The following SPOCD1 variants were observed in gnomAD, a reference collection of about 807,000 sequenced individuals.
SPOCD1 encodes the protein SPOC domain-containing protein 1.
SPOCD1 carries 64 observed loss-of-function variants against 92.2 expected under a neutral mutation model. That is an observed-to-expected ratio of 0.69 (90% confidence interval 0.57 to 0.86). SPOCD1 has a LOEUF of 0.86. SPOCD1 is among the 40% of genes least tolerant of loss of function. The pLI, the probability that SPOCD1 is intolerant of heterozygous loss-of-function variation, is 0.00. For missense variants in SPOCD1, 1,360 were observed against 1,543.1 expected (o/e 0.88, Z 1.99); for synonymous variants, 578 against 619.3 (o/e 0.93, Z 0.99).
Position 31,790,438 on chromosome 1 carries a change from T to A in SPOCD1, c.*165A>T. On this transcript the variant is annotated 3_prime_UTR_variant, in exon 16 of 16. Transcript: ENST00000360482. ...CAGATGCAATCCCAATTTTACCAAA[T>A]TCTTTATTGAACAAAAAATCAACAG... 1 of 697,856 alleles carries A rather than the reference T, an allele frequency of 1.4e-6. No individual in the cohort carries two copies. The highest frequency in any genetic ancestry group is 2.4e-6 in the Non-Finnish European group (1 of 418,716). The allele number at this position is 697,856 out of a possible 1,614,324, so 43.2% of individuals were successfully genotyped here.
At chr1:31,802,926 G>A (rs1305307769) in intron 2 of SPOCD1, among the ~76,000 whole-genome samples, 2 of 151,704 alleles carry the variant, frequency 1.3e-5, no homozygotes, top group Non-Finnish European at 2.9e-5. Context: ...CGGGAAAGAT[G>A]AGTTTCACTT....
intron 2 of SPOCD1, among the ~76,000 whole-genome samples, chr1:31,804,707 A>G (rs1648696388): frequency 6.6e-6 from 1 of 152,034 alleles, no homozygotes; most frequent in African/African-American, 2.4e-5. Context: ...TGAAAGGAAG[A>G]ATTTTGAGCA....
chr1:31,814,280 C>T lies in SPOCD1; in HGVS notation c.1054G>A (p.Asp352Asn), dbSNP rs750547656. 1.5e-5 allele frequency: 24 copies of T among 1,578,128 alleles called. No individual in the cohort carries two copies. The East Asian group carries it at 5.0e-4, about 33-fold the overall frequency. The change falls in exon 2 of 16, where the codon GAT (aspartate) becomes AAT (asparagine). Residue 352 changes from aspartate (D) to asparagine (N), a missense_variant. Physicochemically the swap from Asp to Asn is conservative, Grantham distance 23. Coordinates refer to ENST00000360482, the MANE Select transcript of SPOCD1 (RefSeq NM_144569.7). This position sits in a 1 kb window ranked among gnomAD's most constrained non-coding sequence, Gnocchi z 4.2. ...TCCTGTGCTGGAGCCTGGCCTTCAT[C>T]GCTGCCAGTCCGCACGACACACACA... Reference protein sequence around the residue: ...EAVCVVRTGSDEGQAPAQDQE... With the variant: ...EAVCVVRTGSNEGQAPAQDQE...
chr1:31,813,991 T>G lies in SPOCD1; in HGVS notation c.1343A>C (p.Asp448Ala), dbSNP rs763312243. 1 of 1,597,508 alleles carries G rather than the reference T, an allele frequency of 6.3e-7. No individual in the cohort carries two copies. Among genetic ancestry groups the G allele is most frequent in the Non-Finnish European group, 8.5e-7 (1 of 1,169,644 alleles). Residue 448 changes from aspartate (D) to alanine (A), a missense_variant, in exon 2 of 16, where the codon GAC becomes GCC. This residue lies in a region of SPOCD1 where 606 missense variants were observed against 601.5 expected (regional missense o/e 1.01). Transcript: ENST00000360482. Reference protein sequence around the residue: ...TDRSSDNSHQDRPEEPSPGGC... With the variant: ...TDRSSDNSHQARPEEPSPGGC... ...TCCTGGGCTGGGTTCCTCTGGCCTG[T>G]CCTGGTGGGAGTTGTCTGAGCTTCT...
chr1:31,801,551 A>G, intron 3 of SPOCD1, 113 bp downstream of exon 3: 1 of 887,746 alleles, frequency 1.1e-6, no homozygotes, highest in Non-Finnish European at 1.9e-6. Flanking sequence ...CCACTGGGGG[A>G]GGGCAGGCTG....
In SPOCD1 at chr1:31,792,694, C is replaced by A. The variant is rs1313090083; in HGVS notation, c.2759G>T (p.Cys920Phe). ...NIVWDLLASI[C>F]PAKAKDVCVV... ...GGCAGGTACCTTGGCCTTGGCTGGG[C>A]AGATGCTGGCCAGAAGGTCCCAGAC... The change falls in exon 14 of 16, where the codon TGC becomes TTC. Residue 920 changes from cysteine to phenylalanine, a missense_variant. Around this residue, in one of 3 missense-constraint regions of SPOCD1, gnomAD observed 614 missense variants for 757.8 expected, o/e 0.81. Transcript: ENST00000360482. 3 of 1,603,464 alleles carry A rather than the reference C, an allele frequency of 1.9e-6. No homozygotes were observed. The highest frequency in any genetic ancestry group is 2.6e-6 in the Non-Finnish European group (3 of 1,175,424).
At chr1:31,792,119 G>A in intron 15 of SPOCD1, 96 bp downstream of exon 15, 1 of 1,385,994 alleles carries the variant, frequency 7.2e-7, no homozygotes. Context: ...TCCCTTCTGA[G>A]ATGTGCCTGC....
chr1:31,807,418 GGGGAGGGAAGAGA>G (rs1648906084), intron 2 of SPOCD1, among the ~76,000 whole-genome samples: 1 of 31,260 alleles, frequency 3.2e-5, no homozygotes, highest in African/African-American at 1.2e-4. Flanking sequence ...GGGGAGGGAG[GGGGAGGGAAGAGA>G]AGGGGAGGGA....
chr1:31,811,656 C>T (rs925086041), intron 2 of SPOCD1, among the ~76,000 whole-genome samples: 6 of 152,244 alleles, frequency 3.9e-5, no homozygotes, highest in South Asian at 2.1e-4. Flanking sequence ...AGGCCCTAAA[C>T]GGGGCTCCAG....
Position 31,814,816 on chromosome 1 carries a change from C to T in SPOCD1, c.518G>A (p.Ser173Asn). The change falls in exon 2 of 16, where the codon AGT becomes AAT. Residue 173 changes from serine (S) to asparagine (N), a missense_variant. Around this residue, in one of 3 missense-constraint regions of SPOCD1, gnomAD observed 606 missense variants for 601.5 expected, o/e 1.01. Transcript: ENST00000360482. This position sits in a 1 kb window ranked among gnomAD's most constrained non-coding sequence, Gnocchi z 4.2. ...GCTTCTTCTGTCACACCCTGGAGAA[C>T]TCATTCCACCGTCTCTGGCCTCCCT... ...RPREARDGGMSSPGCDRRSPT... is the reference protein window; with the variant it reads ...RPREARDGGMNSPGCDRRSPT... The T allele has an allele frequency of 6.2e-7, 1 of 1,612,712 alleles. No individual in the cohort carries two copies. Among genetic ancestry groups the T allele is most frequent in the Non-Finnish European group, 8.5e-7 (1 of 1,179,448 alleles).
rs757684670 is a variant in SPOCD1 at position 31,790,656 on chromosome 1, A to G, written c.3598T>C (p.Leu1200=). The change falls in exon 16 of 16, where the codon TTG becomes CTG. Residue 1200 remains leucine (L), a synonymous_variant. Transcript: ENST00000360482. The part of the protein sequence containing the change: ...EPPGPARDSS[L]GPTDEAGSEC... ...GAGCCAGCTTCATCTGTAGGCCCCA[A>G]AGAGGAGTCACGGGCTGGGCCAGGG... The G allele has an allele frequency of 6.4e-7, 1 of 1,551,936 alleles. No individual in the cohort carries two copies. Among genetic ancestry groups the G allele is most frequent in the Non-Finnish European group, 8.7e-7 (1 of 1,147,084 alleles).
chr1:31,791,637 C>T (rs760249286), intron 15 of SPOCD1, among the ~76,000 whole-genome samples: 14 of 152,196 alleles, frequency 9.2e-5, no homozygotes, highest in Non-Finnish European at 1.9e-4. Flanking sequence ...GCACAGAGGC[C>T]GAGCTCGGCC....
chr1:31,801,426 G>C lies in SPOCD1; in HGVS notation c.1425+238C>G, dbSNP rs1648457017. ...ACCACAGGGAATTGTTTTAAAAGTA[G>C]GTGAGTCTGAAAACTAATCCTTGAA... is the stretch of plus-strand genomic sequence containing the variant. On this transcript the variant is annotated intron_variant, in intron 3 of 15. Transcript: ENST00000360482. Among the ~76,000 whole-genome samples, 3 of 152,168 alleles carry C rather than the reference G, an allele frequency of 2.0e-5. No homozygotes were observed. The South Asian group carries it at 6.2e-4, about 31-fold the overall frequency.
intron 13 of SPOCD1, 73 bp downstream of exon 13, chr1:31,793,205 A>G: frequency 1.7e-6 from 1 of 600,910 alleles, no homozygotes; most frequent in Non-Finnish European, 2.3e-6. Flanking sequence ...CATGAGTGAA[A>G]GAGAGAGAGA....
At chr1:31,793,712 C>A (rs760309119) in intron 12 of SPOCD1, 35 bp downstream of exon 12, 1 of 1,613,152 alleles carries the variant, frequency 6.2e-7, no homozygotes, top group South Asian at 1.1e-5. Flanking sequence ...CTCAACCCTG[C>A]TGGGTTATCC....
At chr1:31,800,678 T>G (rs1648402106) in intron 3 of SPOCD1, 61 bp from the exon 4 acceptor site, 6 of 1,407,822 alleles carry the variant, frequency 4.3e-6, no homozygotes, top group Non-Finnish European at 9.6e-7. Flanking sequence ...GCCTTCAGAG[T>G]GCTCGCCTCA....
intron 2 of SPOCD1, among the ~76,000 whole-genome samples, chr1:31,804,032 A>G (rs920673926): frequency 2.0e-5 from 3 of 152,234 alleles, no homozygotes; most frequent in African/African-American, 7.2e-5. Context: ...CAAAAAGCTC[A>G]GTGAATCTCA....
chr1:31,801,630 G>A lies in SPOCD1; in HGVS notation c.1425+34C>T, dbSNP rs758915920. The A allele has an allele frequency of 4.4e-6, 7 of 1,608,210 alleles. No individual in the cohort carries two copies. In the East Asian group the frequency reaches 1.6e-4, roughly 36 times the overall value. ...ACTCCACCCCACCTGAGGCAAGGGA[G>A]AAAGAAAAGCAATAATAAAATGTAA... is the stretch of plus-strand genomic sequence containing the variant. On this transcript the variant is annotated intron_variant, in intron 3 of 15. Transcript: ENST00000360482.
At chr1:31,807,562 G>A (rs962731513) in intron 2 of SPOCD1, among the ~76,000 whole-genome samples, 7 of 151,038 alleles carry the variant, frequency 4.6e-5, no homozygotes, top group African/African-American at 7.3e-5. Context: ...ATAATTAAAA[G>A]GTTCTTTTAT....
Sources: allele counts gnomAD v4.1 joint callset (sites outside exome capture counted in the v4.1 genomes callset), GRCh38; gene constraint gnomAD v4.1.1; regional missense constraint gnomAD v4.1.1; non-coding constraint Gnocchi (gnomAD v3.1); transcripts MANE v1.5; gene names NCBI Gene and HGNC (gene_info 2026-07-23, HGNC 2026-07-21).